DSCAM: variants seen among roughly 807,000 people sequenced by gnomAD.
DSCAM encodes DS cell adhesion molecule, also known as cell adhesion molecule DSCAM.
Under a neutral mutation model 217.7 loss-of-function variants are expected in DSCAM, and 47 were observed. That is an observed-to-expected ratio of 0.22 (90% CI 0.17 to 0.28). DSCAM has a LOEUF of 0.28. Ranked by LOEUF, DSCAM falls within the 10% of genes least tolerant of loss-of-function variation. DSCAM has a pLI of 1.00. For missense variants in DSCAM, 2,080 were observed against 2,618.3 expected, an observed-to-expected ratio of 0.79 and a Z score of 4.49; for synonymous variants, 1,056 against 1,015.3, an observed-to-expected ratio of 1.04 and a Z score of -0.76.
chr21:40,718,097 G>A (rs1332869939), intron 1 of DSCAM, among the ~76,000 whole-genome samples: 2 of 152,182 alleles, frequency 1.3e-5, no homozygotes, highest in African/African-American at 4.8e-5. Flanking sequence ...AAAGTCAATA[G>A]GAGGCAAATG....
intron 2 of DSCAM, among the ~76,000 whole-genome samples, chr21:40,693,281 A>G (rs898482196): frequency 2.6e-5 from 4 of 152,030 alleles, no homozygotes; most frequent in Non-Finnish European, 5.9e-5. Flanking sequence ...CTAAAAATAC[A>G]AAAAAATTGC....
intron 3 of DSCAM, among the ~76,000 whole-genome samples, chr21:40,583,923 C>T (rs1334489893): frequency 1.6e-5 from 2 of 121,662 alleles, no homozygotes; most frequent in Non-Finnish European, 3.7e-5. Context: ...AAAAAAAAGC[C>T]CAGATAGTAA....
At chr21:40,216,622 T>A (rs1248781715) in intron 11 of DSCAM, among the ~76,000 whole-genome samples, 2 of 152,226 alleles carry the variant, frequency 1.3e-5, no homozygotes. Context: ...ATGTCAATAC[T>A]GTTTAAACTA....
intron 3 of DSCAM, among the ~76,000 whole-genome samples, chr21:40,541,774 T>G (rs2076544689): frequency 6.6e-6 from 1 of 152,210 alleles, no homozygotes; most frequent in Admixed American, 6.5e-5. Context: ...TTCAGTATAT[T>G]GATGTTTAGG....
At chr21:40,244,155 A>G (rs2073190736) in intron 11 of DSCAM, among the ~76,000 whole-genome samples, 1 of 152,206 alleles carries the variant, frequency 6.6e-6, no homozygotes, top group Non-Finnish European at 1.5e-5. Context: ...ACTGTTATTA[A>G]AATTCACAAT....
chr21:40,657,521 G>T (rs1277691600), intron 3 of DSCAM, among the ~76,000 whole-genome samples: 1 of 152,094 alleles, frequency 6.6e-6, no homozygotes, highest in Admixed American at 6.6e-5. Context: ...CAATTCCAGG[G>T]CTTTATTTTC....
rs1268149535 is a variant in DSCAM, at chr21:40,647,059, G to A, written c.508+45751C>T. ...GAGGAAAAATTCAAGCCACAAATAT[G>A]CATGGGGCTATGCAAATTTATCACT... On this transcript the variant is annotated intron_variant, in intron 3 of 32. Coordinates refer to ENST00000400454, the MANE Select transcript of DSCAM (RefSeq NM_001389.5). 4.6e-5 allele frequency among the ~76,000 whole-genome samples: 7 copies of A among 152,352 alleles called. No homozygotes were observed. In the East Asian group the frequency reaches 1.3e-3, roughly 29 times the overall value.
intron 3 of DSCAM, among the ~76,000 whole-genome samples, chr21:40,637,118 T>TATAA (rs796855523): frequency 1.4e-5 from 1 of 70,554 alleles, no homozygotes; most frequent in Non-Finnish European, 2.7e-5. Flanking sequence ...CATATATATA[T>TATAA]ATATATATAT....
chr21:40,482,844 G>A (rs1212236360), intron 3 of DSCAM, among the ~76,000 whole-genome samples: 2 of 152,304 alleles, frequency 1.3e-5, no homozygotes, highest in South Asian at 2.1e-4. Context: ...GTGGAATGAG[G>A]TGGCAGAATG....
intron 29 of DSCAM, among the ~76,000 whole-genome samples, chr21:40,053,233 T>G (rs1368178611): frequency 6.6e-6 from 1 of 152,260 alleles, no homozygotes; most frequent in Non-Finnish European, 1.5e-5. Flanking sequence ...GGCAGAGAAA[T>G]AGAGGAAAGG....
intron 1 of DSCAM, among the ~76,000 whole-genome samples, chr21:40,797,031 C>T (rs1026561627): frequency 4.6e-5 from 7 of 152,190 alleles, no homozygotes; most frequent in Admixed American, 6.5e-5. Flanking sequence ...GAGCAGCTTA[C>T]ACCTCATTGC....
rs569200586 is a variant in DSCAM at position 40,727,949 on chromosome 21, T to C, written c.44-19178A>G. Among the ~76,000 whole-genome samples the C allele has an allele frequency of 4.6e-5, 7 of 152,292 alleles. No individual in the cohort carries two copies. The East Asian group carries it at 1.4e-3, about 30-fold the overall frequency. On this transcript the variant is annotated intron_variant, in intron 1 of 32. Coordinates refer to ENST00000400454, the MANE Select transcript of DSCAM (RefSeq NM_001389.5). ...CTGCAGGCTCCCACCTCTGGGTCTCTGTACCTGCTCTCCCTCCACCTGGGA... is the reference window on the plus strand; with the variant it reads ...CTGCAGGCTCCCACCTCTGGGTCTCCGTACCTGCTCTCCCTCCACCTGGGA...
intron 20 of DSCAM, among the ~76,000 whole-genome samples, chr21:40,101,960 C>T (rs535061838): frequency 5.9e-5 from 9 of 152,024 alleles, no homozygotes; most frequent in Non-Finnish European, 1.2e-4. Context: ...CTTCATGCCT[C>T]GTAATAGGAA....
intron 20 of DSCAM, among the ~76,000 whole-genome samples, chr21:40,104,923 C>A (rs1190779774): frequency 6.6e-6 from 1 of 152,080 alleles, no homozygotes; most frequent in African/African-American, 2.4e-5. Flanking sequence ...CTCTACGCAG[C>A]AATGGGGAAG....
At chr21:40,554,639 T>C (rs1428799339) in intron 3 of DSCAM, among the ~76,000 whole-genome samples, 1 of 152,198 alleles carries the variant, frequency 6.6e-6, no homozygotes. Flanking sequence ...GAGGGAGACA[T>C]ACTCTCCTCC....
chr21:40,762,256 C>T (rs183641878), intron 1 of DSCAM, among the ~76,000 whole-genome samples: 13 of 151,854 alleles, frequency 8.6e-5, no homozygotes, highest in Admixed American at 8.5e-4. Context: ...CAAATAGACA[C>T]AATAAAAAAA....
chr21:40,310,760 G>A (rs1316628395), intron 9 of DSCAM, among the ~76,000 whole-genome samples: 10 of 152,150 alleles, frequency 6.6e-5, no homozygotes, highest in Admixed American at 1.3e-4. Flanking sequence ...CTGCTTATAA[G>A]AAAACGCTTG....
chr21:40,366,546 A>G (rs1467179718), intron 4 of DSCAM, among the ~76,000 whole-genome samples: 1 of 152,174 alleles, frequency 6.6e-6, no homozygotes, highest in Non-Finnish European at 1.5e-5. Flanking sequence ...TTTCAAACAA[A>G]AAAATATAGT....
intron 1 of DSCAM, among the ~76,000 whole-genome samples, chr21:40,814,826 C>T (rs961939931): frequency 3.9e-5 from 6 of 152,132 alleles, no homozygotes; most frequent in African/African-American, 1.4e-4. Context: ...ATGTCAGGAG[C>T]TTTATGTACT....
Sources: allele counts gnomAD v4.1 joint callset (sites outside exome capture counted in the v4.1 genomes callset), GRCh38; gene constraint gnomAD v4.1.1; transcripts MANE v1.5; gene names NCBI Gene and HGNC (gene_info 2026-07-23, HGNC 2026-07-21).